Variants in DLG2 observed in about 807,000 individuals in gnomAD.
The protein encoded by DLG2 is discs large MAGUK scaffold protein 2, also known as disks large homolog 2.
In DLG2, 45 loss-of-function variants were observed where a neutral mutation model predicts 132.5. The ratio of observed to expected loss-of-function variants is 0.34; its 90% confidence interval spans 0.27 to 0.44. DLG2 has a LOEUF of 0.44. Ranked by LOEUF, DLG2 falls within the 20% of genes least tolerant of loss-of-function variation. DLG2 has a pLI of 1.00. For synonymous variants in DLG2, 424 were observed against 419.6 expected, an observed-to-expected ratio of 1.01 and a Z score of -0.13; for missense variants, 1,045 against 1,196.9, an observed-to-expected ratio of 0.87 and a Z score of 1.87.
chr11:83,787,003 G>A (rs2040110255), intron 17 of DLG2, among the ~76,000 whole-genome samples: 1 of 152,064 alleles, frequency 6.6e-6, no homozygotes, highest in African/African-American at 2.4e-5. Flanking sequence ...TTTGTGCCAT[G>A]GTCTGACCGG....
At chr11:83,703,871 G>C (rs145334492) in intron 18 of DLG2, among the ~76,000 whole-genome samples, 2,016 of 152,086 alleles carry the variant, frequency 0.013, 28 homozygotes, top group Non-Finnish European at 0.019. Flanking sequence ...AGTCAACAGT[G>C]TCACTTCCCT....
At position 84,442,837 on chromosome 11, in the gene DLG2, C is replaced by A. The variant is rs1219408570; in HGVS notation, c.519+91733G>T. ...ATATAAACTCACTAATAAATATTAGCTGGAAAAAGTGCAATAATTAGTGCT... is the reference window on the plus strand; with the variant it reads ...ATATAAACTCACTAATAAATATTAGATGGAAAAAGTGCAATAATTAGTGCT... On this transcript the variant is annotated intron_variant, in intron 7 of 27. Coordinates refer to ENST00000376104, the MANE Select transcript of DLG2 (RefSeq NM_001142699.3). 2.0e-5 allele frequency among the ~76,000 whole-genome samples: 3 copies of A among 151,934 alleles called. No homozygotes were observed. The East Asian group carries it at 5.8e-4, about 29-fold the overall frequency.
intron 8 of DLG2, chr11:84,166,812 T>C: frequency 2.3e-6 from 1 of 443,932 alleles, no homozygotes; most frequent in Non-Finnish European, 4.6e-6. Flanking sequence ...AACAATCCAT[T>C]GTTGTTTGAA....
chr11:84,922,456 C>T (rs1057180591), intron 6 of DLG2, among the ~76,000 whole-genome samples: 1 of 152,186 alleles, frequency 6.6e-6, no homozygotes, highest in Non-Finnish European at 1.5e-5. Flanking sequence ...ACTTCAGAGG[C>T]TCATTAGCTA....
intron 7 of DLG2, among the ~76,000 whole-genome samples, chr11:84,506,318 G>T (rs945871036): frequency 6.6e-6 from 1 of 151,592 alleles, no homozygotes; most frequent in African/African-American, 2.4e-5. Context: ...CTCGTGATCC[G>T]CCCGCCTCGG....
chr11:84,317,095 C>T, intron 7 of DLG2: 1 of 1,612,864 alleles, frequency 6.2e-7, no homozygotes, highest in Non-Finnish European at 8.5e-7. Context: ...CGGCATCCAT[C>T]CCATCGGACC....
chr11:83,461,378 A>G (rs1034144853), intron 27 of DLG2, among the ~76,000 whole-genome samples: 3 of 152,126 alleles, frequency 2.0e-5, no homozygotes, highest in African/African-American at 4.8e-5. Flanking sequence ...TCAGTGTTCT[A>G]TGAAAGTATA....
intron 3 of DLG2, among the ~76,000 whole-genome samples, chr11:85,477,910 C>G (rs2093189129): frequency 1.3e-5 from 2 of 152,088 alleles, no homozygotes; most frequent in Admixed American, 1.3e-4. Context: ...TTGCTGTCCA[C>G]AAGGTTCTTA....
chr11:84,183,730 CT>C (rs1662428838), intron 8 of DLG2, among the ~76,000 whole-genome samples: 1 of 152,148 alleles, frequency 6.6e-6, no homozygotes, highest in African/African-American at 2.4e-5. Context: ...CCCCACTCCC[CT>C]CACCCCACAA....
intron 11 of DLG2, among the ~76,000 whole-genome samples, chr11:83,982,691 A>C (rs2092904540): frequency 6.6e-6 from 1 of 152,152 alleles, no homozygotes; most frequent in African/African-American, 2.4e-5. Flanking sequence ...AGTGTTCTTT[A>C]AGTCTACAGT....
chr11:85,160,040 A>G (rs1342118757), intron 4 of DLG2, among the ~76,000 whole-genome samples: 8 of 152,238 alleles, frequency 5.3e-5, no homozygotes, highest in Non-Finnish European at 8.8e-5. Context: ...TAAAATTCTT[A>G]GGTGTCCAGT....
intron 27 of DLG2, among the ~76,000 whole-genome samples, chr11:83,460,757 TTATTG>T (rs1249344514): frequency 4.6e-5 from 7 of 152,196 alleles, no homozygotes; most frequent in Non-Finnish European, 1.0e-4. Flanking sequence ...TCAGAATATA[TTATTG>T]TATTGTATAC....
intron 5 of DLG2, among the ~76,000 whole-genome samples, chr11:85,127,401 C>T (rs909610888): frequency 2.1e-4 from 32 of 152,126 alleles, no homozygotes; most frequent in African/African-American, 7.5e-4. Context: ...TCCCTGCCTA[C>T]CCTGCAACAA....
intron 15 of DLG2, among the ~76,000 whole-genome samples, chr11:83,930,024 G>C (rs1210029086): frequency 6.6e-6 from 1 of 152,108 alleles, no homozygotes; most frequent in Non-Finnish European, 1.5e-5. Flanking sequence ...ATGGTGTTAA[G>C]TTCCAAAATT....
At chr11:85,580,333 C>A (rs1338637935) in intron 3 of DLG2, among the ~76,000 whole-genome samples, 1 of 152,154 alleles carries the variant, frequency 6.6e-6, no homozygotes, top group Non-Finnish European at 1.5e-5. Flanking sequence ...CAAATCATGG[C>A]CCAGAAGTAA....
At chr11:83,641,908 T>C (rs1335908341) in intron 18 of DLG2, among the ~76,000 whole-genome samples, 2 of 151,876 alleles carry the variant, frequency 1.3e-5, no homozygotes, top group Admixed American at 6.6e-5. Flanking sequence ...TGTTTGTGTG[T>C]GTGTGAGAGA....
intron 19 of DLG2, among the ~76,000 whole-genome samples, chr11:83,586,520 G>T (rs478946): frequency 6.6e-6 from 1 of 151,934 alleles, no homozygotes; most frequent in South Asian, 2.1e-4. Flanking sequence ...AAATATCAGC[G>T]TATTAGGTTC....
At chr11:84,867,902 A>G (rs7941366) in intron 6 of DLG2, among the ~76,000 whole-genome samples, 46,903 of 151,774 alleles carry the variant, frequency 0.31, 7,803 homozygotes, top group Middle Eastern at 0.39. Flanking sequence ...GTGAAACCCC[A>G]TCTCTACTAA....
rs535126413 is a variant in DLG2, at chr11:84,264,466, G to A, written c.520-13175C>T. Among the ~76,000 whole-genome samples, 179 of 152,284 alleles carry A rather than the reference G, an allele frequency of 1.2e-3. 1 individual carries two copies. Among genetic ancestry groups the A allele is most frequent in the African/African-American group, 4.0e-3 (166 of 41,570 alleles). ...CAACTGTGTGTTTAACATAAAGAAG[G>A]AGGAATATTATCTGTTGCTGTGGGC... is the stretch of plus-strand genomic sequence containing the variant. On this transcript the variant is annotated intron_variant, in intron 7 of 27. Transcript: ENST00000376104.
Sources: allele counts gnomAD v4.1 joint callset (sites outside exome capture counted in the v4.1 genomes callset), GRCh38; gene constraint gnomAD v4.1.1; transcripts MANE v1.5; gene names NCBI Gene and HGNC (gene_info 2026-07-23, HGNC 2026-07-21).